Variants in TCOF1 observed in about 807,000 individuals in gnomAD.
TCOF1 encodes the protein treacle ribosome biogenesis factor 1.
TCOF1 carries 33 observed loss-of-function variants against 149.0 expected under a neutral mutation model. The observed-to-expected ratio is 0.22, with a 90% CI of 0.17 to 0.30. The LOEUF is 0.30. Among genes scored for constraint, TCOF1 ranks in the 10% least tolerant of loss-of-function variants. TCOF1 has a pLI of 1.00. For missense variants in TCOF1, 1,728 were observed against 1,840.7 expected (o/e 0.94, Z 1.12); for synonymous variants, 789 against 738.8 (o/e 1.07, Z -1.10).
At chr5:150,393,736 A>G in intron 23 of TCOF1, 184 bp downstream of exon 23, 2 of 789,078 alleles carry the variant, frequency 2.5e-6, no homozygotes, top group Non-Finnish European at 4.0e-6. Context: ...AGGTGGGGCC[A>G]GGTGCAGTGG....
chr5:150,393,702 A>T, intron 23 of TCOF1, 150 bp downstream of exon 23: 1 of 1,042,558 alleles, frequency 9.6e-7, no homozygotes, highest in Non-Finnish European at 1.4e-6. Context: ...CTTGCATTGG[A>T]CCTGAAGATG....
rs563202084 is a variant in TCOF1, at chr5:150,381,559, C to T, written c.2859+1827C>T. Among the ~76,000 whole-genome samples, 7 of 152,356 alleles carry T rather than the reference C, an allele frequency of 4.6e-5. No homozygotes were observed. In the South Asian group the frequency reaches 1.4e-3, roughly 32 times the overall value. On this transcript the variant is annotated intron_variant, in intron 17 of 26. Transcript: ENST00000643257. ...GAAGGCACATGGTCACTGAAGGCAG[C>T]TGTCCTGCAGGCCGTAGGCCCTCCC...
At position 150,396,291 on chromosome 5, in the gene TCOF1, A is replaced by G; in HGVS notation, c.3794A>G (p.Glu1265Gly). 6.2e-7 allele frequency: 1 copy of G among 1,614,018 alleles called. No individual in the cohort carries two copies. The highest frequency in any genetic ancestry group is 8.5e-7 in the Non-Finnish European group (1 of 1,180,032). The change falls in exon 24 of 27, where the codon GAG becomes GGG. Residue 1265 changes from glutamate to glycine, a missense_variant. Physicochemically the swap from Glu to Gly is moderately conservative, Grantham distance 98. Coordinates refer to ENST00000643257, the MANE Select transcript of TCOF1 (RefSeq NM_001371623.1). Reference sequence around the variant, plus strand: ...CATTCTCTCTCCATAGGTGGAAAAGAGGCTGCTTCAGGCACCACACCTCAG... The same window carrying G: ...CATTCTCTCTCCATAGGTGGAAAAGGGGCTGCTTCAGGCACCACACCTCAG... ...GMLSPKTGGKEAASGTTPQKS... is the reference protein window; with the variant it reads ...GMLSPKTGGKGAASGTTPQKS...
intron 17 of TCOF1, among the ~76,000 whole-genome samples, chr5:150,387,160 C>T (rs1345011542): frequency 1.3e-5 from 2 of 152,204 alleles, no homozygotes; most frequent in African/African-American, 4.8e-5. Context: ...AGCACAACTA[C>T]GATACAGTGT....
chr5:150,384,242 A>C (rs770263461), intron 17 of TCOF1: 41 of 992,484 alleles, frequency 4.1e-5, no homozygotes, highest in Non-Finnish European at 4.9e-5. Flanking sequence ...AGTAAAGAAC[A>C]ACCACCACCA....
chr5:150,389,194 C>A (rs778474495), intron 18 of TCOF1, among the ~76,000 whole-genome samples: 30 of 152,244 alleles, frequency 2.0e-4, no homozygotes, highest in Admixed American at 3.9e-4. Context: ...AACTATATCA[C>A]CTGTAATTCT....
chr5:150,389,764 C>A, intron 18 of TCOF1, 123 bp from the exon 19 acceptor site: 2 of 1,553,652 alleles, frequency 1.3e-6, no homozygotes, highest in South Asian at 1.2e-5. Flanking sequence ...AAGCTTCTAC[C>A]TCTGTAAGCC....
chr5:150,388,215 T>A (rs1285194280), intron 18 of TCOF1, 127 bp downstream of exon 18: 1 of 1,272,400 alleles, frequency 7.9e-7, no homozygotes, highest in Non-Finnish European at 1.1e-6. Flanking sequence ...TGGGGTCAGG[T>A]CTCTGGGCCC....
intron 18 of TCOF1, among the ~76,000 whole-genome samples, chr5:150,389,233 C>T (rs1195643432): frequency 6.6e-6 from 1 of 152,174 alleles, no homozygotes; most frequent in Non-Finnish European, 1.5e-5. Flanking sequence ...TAACATTTGA[C>T]AAATGCTAAC....
rs1387195075 is a variant in TCOF1 at position 150,379,323 on chromosome 5, C to A, written c.2573C>A (p.Ala858Asp). 1 of 1,614,208 alleles carries A rather than the reference C, an allele frequency of 6.2e-7. No homozygotes were observed. The highest frequency in any genetic ancestry group is 1.1e-5 in the South Asian group (1 of 91,086). Residue 858 changes from alanine (A) to aspartate (D), a missense_variant, in exon 16 of 27, where the codon GCT (alanine) becomes GAT (aspartate). By Grantham distance (126) the Ala-to-Asp change is moderately radical. Transcript: ENST00000643257. Reference protein sequence around the residue: ...PSVGKAVATAAQAQTGPEEDS... With the variant: ...PSVGKAVATADQAQTGPEEDS... ...GTGGGGAAGGCCGTGGCTACAGCAG[C>A]TCAGGCCCAGACAGGGCCAGAGGAG...
At chr5:150,384,180 C>T (rs776853864) in intron 17 of TCOF1, 2 of 1,026,422 alleles carry the variant, frequency 1.9e-6, no homozygotes, top group Non-Finnish European at 2.3e-6. Flanking sequence ...TTGCACACCT[C>T]CAGCAATAGG....
intron 19 of TCOF1, among the ~76,000 whole-genome samples, chr5:150,390,482 A>G (rs764841305): frequency 2.6e-5 from 4 of 152,134 alleles, no homozygotes; most frequent in Non-Finnish European, 5.9e-5. Context: ...TTTAGATCAT[A>G]AAACTTAGCA....
Position 150,374,905 on chromosome 5 carries a change from C to G in TCOF1, c.1279-49C>G, listed in dbSNP as rs1763381897. On this transcript the variant is annotated intron_variant, in intron 9 of 26. Transcript: ENST00000643257. The stretch of plus-strand genomic sequence containing the variant: ...CCTTTGCCACATCCAGCTCCTGTCT[C>G]CACACGTCCACCCTCTGGGCTCTCC... 2.5e-6 allele frequency: 4 copies of G among 1,612,488 alleles called. No individual in the cohort carries two copies. In the South Asian group the frequency reaches 3.3e-5, roughly 13 times the overall value.
At chr5:150,370,695 G>A (rs1762328731) in intron 6 of TCOF1, among the ~76,000 whole-genome samples, 2 of 152,206 alleles carry the variant, frequency 1.3e-5, no homozygotes, top group Non-Finnish European at 2.9e-5. Context: ...AACCAGGCAC[G>A]GTGGCTCGCA....
In TCOF1 at chr5:150,361,976, C is replaced by G. The variant is rs757169592; in HGVS notation, c.164+765C>G. ...AAAAAGTGAGGAGATTGCTCTGCACCATGGTGAGACTGGTGGGGCCATGGT... is the reference window on the plus strand; with the variant it reads ...AAAAAGTGAGGAGATTGCTCTGCACGATGGTGAGACTGGTGGGGCCATGGT... On this transcript the variant is annotated intron_variant, in intron 2 of 26. Coordinates refer to ENST00000643257, the MANE Select transcript of TCOF1 (RefSeq NM_001371623.1). Among the ~76,000 whole-genome samples, 58 of 151,978 alleles carry G rather than the reference C, an allele frequency of 3.8e-4. 1 individual carries two copies. Among genetic ancestry groups the G allele is most frequent in the Non-Finnish European group, 8.2e-4 (56 of 67,992 alleles).
In TCOF1 at chr5:150,357,711, G is replaced by A; in HGVS notation, c.-36G>A. The A allele has an allele frequency of 2.6e-6, 4 of 1,530,480 alleles. No homozygotes were observed. The highest frequency in any genetic ancestry group is 3.5e-6 in the Non-Finnish European group (4 of 1,133,416). The allele number at this position is 1,530,480 out of a possible 1,614,324, so 94.8% of individuals were successfully genotyped here. On this transcript the variant is annotated 5_prime_UTR_variant, in exon 1 of 27. Coordinates refer to ENST00000643257, the MANE Select transcript of TCOF1 (RefSeq NM_001371623.1). Reference sequence around the variant, plus strand: ...AAGTGGCGGGCGGGGACTAAGGCGGGGCGTGCAGGTAGCCGGCCGGCCGGG... The same window carrying A: ...AAGTGGCGGGCGGGGACTAAGGCGGAGCGTGCAGGTAGCCGGCCGGCCGGG...
intron 24 of TCOF1, 151 bp from the exon 25 acceptor site, chr5:150,398,203 T>C: frequency 6.6e-7 from 1 of 1,521,662 alleles, no homozygotes; most frequent in Non-Finnish European, 8.8e-7. Context: ...ATTGCAGGAA[T>C]GAACCTCCAC....
chr5:150,393,974 A>G (rs1767937714), intron 23 of TCOF1: 1 of 276,766 alleles, frequency 3.6e-6, no homozygotes, highest in Admixed American at 4.9e-5. Flanking sequence ...TCATGCCACT[A>G]CACTCCAGCC....
At chr5:150,365,711 T>G (rs551721752) in intron 3 of TCOF1, among the ~76,000 whole-genome samples, 1 of 152,264 alleles carries the variant, frequency 6.6e-6, no homozygotes, top group Non-Finnish European at 1.5e-5. Flanking sequence ...TTTGTTTGTT[T>G]GGGGCTTTTT....
Sources: allele counts gnomAD v4.1 joint callset (sites outside exome capture counted in the v4.1 genomes callset), GRCh38; gene constraint gnomAD v4.1.1; transcripts MANE v1.5; gene names NCBI Gene and HGNC (gene_info 2026-07-23, HGNC 2026-07-21).